Variants in LAMP2 observed in about 807,000 individuals in gnomAD.
The protein encoded by LAMP2 is lysosome-associated membrane glycoprotein 2.
A neutral mutation model predicts 25.6 loss-of-function variants in LAMP2; 4 were observed. That is an observed-to-expected ratio of 0.16 (90% CI 0.08 to 0.36). The LOEUF (loss-of-function observed/expected upper bound fraction) is 0.36. Among genes scored for constraint, LAMP2 ranks in the 10% least tolerant of loss-of-function variants. LAMP2 has a pLI of 1.00. For synonymous variants in LAMP2, 108 were observed against 112.7 expected (o/e 0.96, Z 0.27); for missense variants, 272 against 301.4 (o/e 0.90, Z 0.72).
chrX:120,437,988 T>A (rs2058553257), intron 8 of LAMP2: 1 of 227,487 alleles, frequency 4.4e-6, no homozygotes, highest in Non-Finnish European at 6.3e-6. Flanking sequence ...CCCGAGTAAC[T>A]GGGATTACAG....
chrX:120,442,021 G>T (rs1049972289), intron 7 of LAMP2, 127 bp from the exon 8 acceptor site: 1 of 559,800 alleles, frequency 1.8e-6, no homozygotes, highest in Non-Finnish European at 3.1e-6. Context: ...GGCAGATCAC[G>T]TGAGCCCAGG....
At chrX:120,448,740 T>G (rs964977747) in intron 4 of LAMP2, among the ~76,000 whole-genome samples, 1 of 112,675 alleles carries the variant, frequency 8.9e-6, no homozygotes, top group African/African-American at 3.2e-5. Context: ...GAGAACAGTA[T>G]AGGTAGTGTC....
intron 8 of LAMP2, chrX:120,437,024 C>A: frequency 2.7e-6 from 2 of 738,225 alleles, no homozygotes; most frequent in Non-Finnish European, 3.2e-6. Flanking sequence ...ATCCATCTTA[C>A]AAGGTTAACA....
chrX:120,438,650 T>C (rs1235387155), intron 8 of LAMP2: 10 of 755,017 alleles, frequency 1.3e-5, no homozygotes, highest in South Asian at 6.7e-5. Context: ...AGGTCAAATA[T>C]GCAGCAATGC....
In LAMP2 at chrX:120,428,400, C is replaced by G; in HGVS notation, c.*2923G>C. ...AGTTAGTCTGCATATCTTAAACAATCTATTGCACAGCATGTCCTGGCTTTT... is the reference window on the plus strand; with the variant it reads ...AGTTAGTCTGCATATCTTAAACAATGTATTGCACAGCATGTCCTGGCTTTT... On this transcript the variant is annotated 3_prime_UTR_variant, in exon 9 of 9. Coordinates refer to ENST00000200639, the MANE Select transcript of LAMP2 (RefSeq NM_002294.3). 9.1e-7 allele frequency: 1 copy of G among 1,094,312 alleles called. No homozygotes were observed. Among genetic ancestry groups the G allele is most frequent in the South Asian group, 2.8e-5 (1 of 35,638 alleles). The allele number at this position is 1,094,312 out of a possible 1,213,427, so 90.2% of individuals were successfully genotyped here.
chrX:120,439,416 C>T (rs1181522213), intron 8 of LAMP2: 7 of 616,250 alleles, frequency 1.1e-5, no homozygotes, highest in Non-Finnish European at 1.9e-5. Flanking sequence ...GTAACTAAGA[C>T]AGGTATATTT....
intron 8 of LAMP2, among the ~76,000 whole-genome samples, chrX:120,440,637 T>C (rs1000605973): frequency 6.2e-5 from 7 of 112,205 alleles, no homozygotes; most frequent in Non-Finnish European, 9.4e-5. Context: ...ATGATACTAA[T>C]ACTGCAAACG....
At chrX:120,437,445 C>A (rs1352784590) in intron 8 of LAMP2, 1 of 750,545 alleles carries the variant, frequency 1.3e-6, no homozygotes. Flanking sequence ...AACAACCCCA[C>A]AGGAACCTTC....
chrX:120,449,626 A>G (rs761083098), intron 3 of LAMP2, among the ~76,000 whole-genome samples: 1 of 111,714 alleles, frequency 9.0e-6, no homozygotes, highest in South Asian at 3.7e-4. Context: ...AGAAAAAAAG[A>G]AAAAGAAAGA....
At chrX:120,435,939 T>C (rs183229708) in intron 8 of LAMP2, among the ~76,000 whole-genome samples, 22 of 111,793 alleles carry the variant, frequency 2.0e-4, no homozygotes, top group Non-Finnish European at 3.8e-4. Flanking sequence ...CAATCCTACG[T>C]TGGTTCAGAT....
chrX:120,440,274 C>A (rs1008022700), intron 8 of LAMP2, among the ~76,000 whole-genome samples: 1 of 111,578 alleles, frequency 9.0e-6, no homozygotes, highest in Non-Finnish European at 1.9e-5. Context: ...CTAATTTGAG[C>A]GTGCTTACTG....
rs1017030849 is a variant in LAMP2 at position 120,430,159 on chromosome X, A to C, written c.*1164T>G. On this transcript the variant is annotated 3_prime_UTR_variant, in exon 9 of 9. Transcript: ENST00000200639. ...CATACAATGGGTTAATAATACTTCA[A>C]TGTGGAAGTCTTCTAGTCTATTAAG... The C allele has an allele frequency of 5.6e-5, 42 of 749,477 alleles. No homozygotes were observed. Among genetic ancestry groups the C allele is most frequent in the Middle Eastern group, 7.6e-4 (1 of 1,318 alleles). 61.8% of individuals were successfully genotyped at this position (749,477 alleles called of 1,213,427 possible).
At chrX:120,449,579 A>C (rs2058612866) in intron 3 of LAMP2, among the ~76,000 whole-genome samples, 1 of 111,774 alleles carries the variant, frequency 8.9e-6, no homozygotes, top group Non-Finnish European at 1.9e-5. Context: ...CGCCCACTGC[A>C]CTACAGCCTG....
chrX:120,468,843 C>T (rs1372774741), intron 1 of LAMP2, among the ~76,000 whole-genome samples: 1 of 111,399 alleles, frequency 9.0e-6, no homozygotes, highest in African/African-American at 3.3e-5. Context: ...CCTCTCCACG[C>T]TTCACTCCTC....
intron 5 of LAMP2, among the ~76,000 whole-genome samples, chrX:120,447,549 A>T (rs913542393): frequency 1.8e-5 from 2 of 109,892 alleles, no homozygotes; most frequent in Non-Finnish European, 3.8e-5. Flanking sequence ...TCTACTAAAA[A>T]AATACAAAAA....
At chrX:120,448,498 C>T (rs1295676761) in intron 4 of LAMP2, among the ~76,000 whole-genome samples, 2 of 112,856 alleles carry the variant, frequency 1.8e-5, no homozygotes, top group African/African-American at 6.4e-5. Context: ...AGCCCTATGG[C>T]AAATCATAGG....
At position 120,429,959 on chromosome X, in the gene LAMP2, A is replaced by C. The variant is rs1432928705; in HGVS notation, c.*1364T>G. ...TCCTCTTGTACTTTTACCATTCATAAAAATGTTGCTACGGTTCTGAGTACA... is the reference window on the plus strand; with the variant it reads ...TCCTCTTGTACTTTTACCATTCATACAAATGTTGCTACGGTTCTGAGTACA... On this transcript the variant is annotated 3_prime_UTR_variant, in exon 9 of 9. Transcript: ENST00000200639. 5.3e-6 allele frequency: 4 copies of C among 752,787 alleles called. No homozygotes were observed. The highest frequency in any genetic ancestry group is 6.3e-6 in the Non-Finnish European group (4 of 638,738). 62.0% of individuals were successfully genotyped at this position (752,787 alleles called of 1,213,427 possible).
At chrX:120,439,589 A>AT (rs1163480685) in intron 8 of LAMP2, among the ~76,000 whole-genome samples, 4 of 109,749 alleles carry the variant, frequency 3.6e-5, no homozygotes, top group African/African-American at 1.3e-4. Flanking sequence ...TAATGTGCAT[A>AT]TATTATATGC....
chrX:120,429,264 C>T lies in LAMP2; in HGVS notation c.*2059G>A. On this transcript the variant is annotated 3_prime_UTR_variant, in exon 9 of 9. Coordinates refer to ENST00000200639, the MANE Select transcript of LAMP2 (RefSeq NM_002294.3). ...CGTTGCAGTCCATTCCACCGAACCA[C>T]CAGGAAAGCAACATGTGCAATGTAG... is the stretch of plus-strand genomic sequence containing the variant. 2.7e-6 allele frequency: 2 copies of T among 748,324 alleles called. No homozygotes were observed. The highest frequency in any genetic ancestry group is 1.4e-4 in the South Asian group (2 of 14,763). The allele number at this position is 748,324 out of a possible 1,213,427, so 61.7% of individuals were successfully genotyped here. A position where few individuals can be genotyped will look rare whatever the true frequency, so the allele number is the denominator to read the frequency against.
Sources: gnomAD v4.1 joint callset for allele counts (sites outside exome capture counted in the v4.1 genomes callset) on GRCh38, gnomAD v4.1.1 for gene constraint, MANE v1.5 for transcripts, NCBI Gene and HGNC (gene_info 2026-07-23, HGNC 2026-07-21) for gene names.